Variants in TRABD2B observed in about 807,000 individuals in gnomAD.
The protein encoded by TRABD2B is metalloprotease TIKI2.
In TRABD2B, 14 loss-of-function variants were observed where a neutral mutation model predicts 40.1. The ratio of observed to expected loss-of-function variants is 0.35; its 90% confidence interval spans 0.23 to 0.55. The LOEUF is 0.55. Ranked by LOEUF, TRABD2B falls within the 20% of genes least tolerant of loss-of-function variation. The probability of loss-of-function intolerance (pLI) is 0.90; values close to 1 mark genes in which losing one functional copy is unlikely to be tolerated. For missense variants in TRABD2B, 541 were observed against 648.6 expected (o/e 0.83, Z 1.80); for synonymous variants, 263 against 277.0 (o/e 0.95, Z 0.50).
chr1:47,988,889 C>T (rs182805517), intron 2 of TRABD2B, among the ~76,000 whole-genome samples: 2 of 152,330 alleles, frequency 1.3e-5, no homozygotes, highest in East Asian at 3.9e-4. Flanking sequence ...TACGACCTGC[C>T]TATGCTGTGG....
intron 2 of TRABD2B, among the ~76,000 whole-genome samples, chr1:47,974,484 T>C (rs1192160900): frequency 6.6e-6 from 1 of 152,194 alleles, no homozygotes; most frequent in Non-Finnish European, 1.5e-5. Context: ...GGTCCCTCTC[T>C]AGCCTACTGA....
chr1:47,857,016 G>T (rs1267275268), intron 2 of TRABD2B, among the ~76,000 whole-genome samples: 1 of 152,238 alleles, frequency 6.6e-6, no homozygotes, highest in Non-Finnish European at 1.5e-5. Context: ...TTCAGCAATG[G>T]TCCAACAACT....
At chr1:47,910,927 A>T (rs1180667426) in intron 2 of TRABD2B, among the ~76,000 whole-genome samples, 2 of 152,186 alleles carry the variant, frequency 1.3e-5, no homozygotes, top group African/African-American at 4.8e-5. Context: ...CATGAGCAGG[A>T]CCGACGGGTC....
In TRABD2B at chr1:47,825,528, G is replaced by A. The variant is rs1019272657; in HGVS notation, c.667-23909C>T. ...CCTCCTGCCAAACCTCCACCTGGCT[G>A]ACACCCACTTGCACTGAGCACCCAT... On this transcript the variant is annotated intron_variant, in intron 2 of 6. Transcript: ENST00000606738. 2.0e-5 allele frequency among the ~76,000 whole-genome samples: 3 copies of A among 152,342 alleles called. No homozygotes were observed. In the South Asian group the frequency reaches 6.2e-4, roughly 32 times the overall value.
At chr1:47,987,069 G>C (rs1570420623) in intron 2 of TRABD2B, among the ~76,000 whole-genome samples, 1 of 152,320 alleles carries the variant, frequency 6.6e-6, no homozygotes, top group Middle Eastern at 3.4e-3. Context: ...ATTACCAGGC[G>C]ACCTCTTCTT....
intron 2 of TRABD2B, among the ~76,000 whole-genome samples, chr1:47,951,000 C>T (rs572613538): frequency 1.3e-5 from 2 of 152,184 alleles, no homozygotes; most frequent in Admixed American, 6.5e-5. Context: ...ACAGAGCAGG[C>T]CTTCAATGCA....
intron 2 of TRABD2B, among the ~76,000 whole-genome samples, chr1:47,892,428 C>T (rs746901722): frequency 7.2e-5 from 11 of 152,076 alleles, no homozygotes; most frequent in Non-Finnish European, 1.5e-4. Flanking sequence ...TATTTGCCAC[C>T]CAAGTGGAGA....
chr1:47,889,650 T>C (rs1199925797), intron 2 of TRABD2B, among the ~76,000 whole-genome samples: 48 of 152,088 alleles, frequency 3.2e-4, no homozygotes, highest in Admixed American at 3.1e-3. Context: ...CTGCTGAGAG[T>C]TGGTGACCAA....
intron 4 of TRABD2B, among the ~76,000 whole-genome samples, chr1:47,787,012 T>C (rs1183408753): frequency 1.3e-5 from 2 of 152,150 alleles, no homozygotes; most frequent in Non-Finnish European, 2.9e-5. Context: ...GCCTGCCTCT[T>C]GTTTCCAAGG....
intron 2 of TRABD2B, among the ~76,000 whole-genome samples, chr1:47,832,175 A>G (rs932942449): frequency 2.6e-5 from 4 of 152,198 alleles, no homozygotes; most frequent in South Asian, 4.1e-4. Context: ...TACTAAAAAA[A>G]TACAAAAATT....
chr1:47,980,715 C>T (rs1645829183), intron 2 of TRABD2B, among the ~76,000 whole-genome samples: 1 of 152,222 alleles, frequency 6.6e-6, no homozygotes, highest in Admixed American at 6.5e-5. Context: ...TTGGGCCCCT[C>T]AGCCTGCCCT....
intron 2 of TRABD2B, among the ~76,000 whole-genome samples, chr1:47,929,453 T>C (rs1158809676): frequency 1.3e-5 from 2 of 152,234 alleles, no homozygotes; most frequent in African/African-American, 2.4e-5. Flanking sequence ...AGAGCAAGAA[T>C]ACTTCTTCCT....
Position 47,994,643 on chromosome 1 carries a change from G to C in TRABD2B, c.103-46C>G. 1 of 1,497,240 alleles carries C rather than the reference G, an allele frequency of 6.7e-7. No homozygotes were observed. The highest frequency in any genetic ancestry group is 2.5e-5 in the East Asian group (1 of 40,646). 92.7% of individuals were successfully genotyped at this position (1,497,240 alleles called of 1,614,324 possible). A position where few individuals can be genotyped will look rare whatever the true frequency, so the allele number is the denominator to read the frequency against. The stretch of plus-strand genomic sequence containing the variant: ...CAAGGCAGTGAGGCCGAAGGCAACA[G>C]AGTAGAGTCAGGGTAGCCCAGAGGC... On this transcript the variant is annotated intron_variant, in intron 1 of 6. Coordinates refer to ENST00000606738, the MANE Select transcript of TRABD2B (RefSeq NM_001194986.2). The surrounding 1 kb of genome is among the most constrained non-coding windows in gnomAD (Gnocchi z 6.7).
At chr1:47,789,711 A>C (rs1375585219) in intron 4 of TRABD2B, among the ~76,000 whole-genome samples, 1 of 152,116 alleles carries the variant, frequency 6.6e-6, no homozygotes, top group African/African-American at 2.4e-5. Context: ...CTGCCAAATT[A>C]CTTGCCTGCC....
intron 2 of TRABD2B, among the ~76,000 whole-genome samples, chr1:47,826,363 CACA>C (rs1270770379): frequency 3.3e-5 from 5 of 152,074 alleles, no homozygotes; most frequent in Non-Finnish European, 7.3e-5. Context: ...CACTAATTCT[CACA>C]ACATCATTAT....
intron 4 of TRABD2B, among the ~76,000 whole-genome samples, chr1:47,784,890 CT>C (rs772563171): frequency 6.6e-6 from 1 of 152,214 alleles, no homozygotes; most frequent in Non-Finnish European, 1.5e-5. Flanking sequence ...GTCCCCTCCC[CT>C]GAGGAGGTCA....
At chr1:47,774,975 CTTG>C (rs1351354240) in intron 6 of TRABD2B, among the ~76,000 whole-genome samples, 192 bp downstream of exon 6, 2 of 152,324 alleles carry the variant, frequency 1.3e-5, no homozygotes, top group African/African-American at 2.4e-5. Flanking sequence ...GAGAATTGTA[CTTG>C]TTGTTGAATT....
chr1:47,891,345 C>T (rs143294468), intron 2 of TRABD2B, among the ~76,000 whole-genome samples: 10 of 152,132 alleles, frequency 6.6e-5, no homozygotes, highest in East Asian at 3.9e-4. Context: ...TAAAGCAGGG[C>T]GCAGAGACAG....
intron 2 of TRABD2B, among the ~76,000 whole-genome samples, chr1:47,814,710 G>A (rs772836830): frequency 1.8e-4 from 27 of 152,158 alleles, no homozygotes; most frequent in Non-Finnish European, 3.4e-4. Context: ...CAGAATGGCC[G>A]GAAGAAAAGA....
Sources: allele counts gnomAD v4.1 joint callset (sites outside exome capture counted in the v4.1 genomes callset), GRCh38; gene constraint gnomAD v4.1.1; non-coding constraint Gnocchi (gnomAD v3.1); transcripts MANE v1.5; gene names NCBI Gene and HGNC (gene_info 2026-07-23, HGNC 2026-07-21).